Variants in PRR5L observed in about 807,000 individuals in gnomAD.
The protein encoded by PRR5L is proline rich 5 like, also known as proline-rich protein 5-like.
A neutral mutation model predicts 36.4 loss-of-function variants in PRR5L; 21 were observed. That is an observed-to-expected ratio of 0.58 (90% CI 0.41 to 0.83). PRR5L has a LOEUF of 0.83. Ranked by LOEUF, PRR5L falls within the 40% of genes least tolerant of loss-of-function variation. PRR5L has a pLI of 0.00. For synonymous variants in PRR5L, 188 were observed against 197.0 expected (o/e 0.95, Z 0.38); for missense variants, 381 against 473.3 (o/e 0.80, Z 1.81).
At position 36,421,071 on chromosome 11, in the gene PRR5L, C is replaced by T. The variant is rs115826889; in HGVS notation, c.294+1768C>T. The stretch of plus-strand genomic sequence containing the variant: ...GACTCAAAGGTCAGTCTTGGCCTCA[C>T]TCTCTTCTCTTGCTGTCTCTACTGA... On this transcript the variant is annotated intron_variant, in intron 4 of 8. Transcript: ENST00000530639. 3.3e-3 allele frequency among the ~76,000 whole-genome samples: 499 copies of T among 152,326 alleles called. 4 individuals carry two copies. Among genetic ancestry groups the T allele is most frequent in the African/African-American group, 0.012 (486 of 41,584 alleles).
chr11:36,407,269 C>G (rs867181870), intron 3 of PRR5L, among the ~76,000 whole-genome samples: 1 of 152,132 alleles, frequency 6.6e-6, no homozygotes, highest in Admixed American at 6.5e-5. Context: ...GCAGGAGGAT[C>G]GCTTGAGTCC....
chr11:36,353,438 T>A (rs568729767), intron 1 of PRR5L, among the ~76,000 whole-genome samples: 3 of 152,210 alleles, frequency 2.0e-5, no homozygotes, highest in Non-Finnish European at 2.9e-5. Context: ...GAAAAGTGAT[T>A]TGTTCATTCA....
intron 1 of PRR5L, among the ~76,000 whole-genome samples, chr11:36,334,643 C>T (rs927619193): frequency 1.3e-5 from 2 of 152,174 alleles, no homozygotes; most frequent in Non-Finnish European, 2.9e-5. Flanking sequence ...TAGGTCAGGC[C>T]TCCTTTTTGT....
At chr11:36,380,536 A>T (rs1042801795) in intron 1 of PRR5L, 2 of 152,186 alleles carry the variant, frequency 1.3e-5, no homozygotes, top group African/African-American at 4.8e-5. Flanking sequence ...GCCTTTGTAG[A>T]TTAATCCTCG....
chr11:36,328,224 T>C (rs1403778309), intron 1 of PRR5L, among the ~76,000 whole-genome samples: 2 of 152,110 alleles, frequency 1.3e-5, no homozygotes, highest in Non-Finnish European at 2.9e-5. Context: ...AAATGACTTT[T>C]AGGAAAGATA....
chr11:36,406,262 G>A (rs1208990202), intron 3 of PRR5L, among the ~76,000 whole-genome samples: 1 of 152,072 alleles, frequency 6.6e-6, no homozygotes, highest in Non-Finnish European at 1.5e-5. Context: ...TGTCTTGACT[G>A]ATTTTTCAGA....
intron 1 of PRR5L, among the ~76,000 whole-genome samples, chr11:36,347,064 G>A (rs1856874950): frequency 6.6e-6 from 1 of 152,180 alleles, no homozygotes; most frequent in South Asian, 2.1e-4. Context: ...TCTTTGAAAA[G>A]AAACTTTGAA....
At chr11:36,432,746 A>G (rs1288029375) in intron 5 of PRR5L, among the ~76,000 whole-genome samples, 3 of 152,190 alleles carry the variant, frequency 2.0e-5, no homozygotes, top group African/African-American at 7.2e-5. Context: ...CTCCAGCCTA[A>G]TGAACCGTAG....
chr11:36,322,975 A>G (rs1395632708), intron 1 of PRR5L, among the ~76,000 whole-genome samples: 1 of 152,202 alleles, frequency 6.6e-6, no homozygotes. Context: ...ACGACACCAG[A>G]AGCTAAGAGA....
intron 4 of PRR5L, among the ~76,000 whole-genome samples, chr11:36,422,496 G>A (rs1858289270): frequency 6.6e-6 from 1 of 152,162 alleles, no homozygotes; most frequent in South Asian, 2.1e-4. Context: ...GCCATGCCTA[G>A]ACATCTGCAT....
intron 2 of PRR5L, among the ~76,000 whole-genome samples, chr11:36,401,817 T>C (rs1857804467): frequency 6.6e-6 from 1 of 152,210 alleles, no homozygotes; most frequent in East Asian, 1.9e-4. Flanking sequence ...TGAGGGCCTC[T>C]GGCCTGTTAG....
At chr11:36,414,706 G>C (rs1451142431) in intron 3 of PRR5L, among the ~76,000 whole-genome samples, 11 of 147,466 alleles carry the variant, frequency 7.5e-5, no homozygotes, top group South Asian at 2.2e-4. Flanking sequence ...TGCAGAAGCT[G>C]TTTAGTTTAA....
At chr11:36,399,111 A>AT (rs1857733246) in intron 1 of PRR5L, among the ~76,000 whole-genome samples, 1 of 152,048 alleles carries the variant, frequency 6.6e-6, no homozygotes, top group African/African-American at 2.4e-5. Flanking sequence ...TCATCACCTC[A>AT]TTTTTTGGTT....
At chr11:36,330,171 G>A (rs1489580705) in intron 1 of PRR5L, among the ~76,000 whole-genome samples, 2 of 152,152 alleles carry the variant, frequency 1.3e-5, no homozygotes, top group Non-Finnish European at 2.9e-5. Flanking sequence ...GAGAGAAAAA[G>A]ATGAATGTTT....
At chr11:36,461,265 G>A (rs998515595) in intron 8 of PRR5L, among the ~76,000 whole-genome samples, 9 of 152,142 alleles carry the variant, frequency 5.9e-5, no homozygotes, top group Non-Finnish European at 1.2e-4. Context: ...TCAGTTTTGG[G>A]GGGGATTCAA....
intron 1 of PRR5L, among the ~76,000 whole-genome samples, chr11:36,303,824 C>T (rs1856402233): frequency 6.6e-6 from 1 of 152,156 alleles, no homozygotes; most frequent in Non-Finnish European, 1.5e-5. Flanking sequence ...CCCTCTAATC[C>T]TTATTGATTT....
chr11:36,363,978 G>A (rs1857120105), intron 1 of PRR5L, among the ~76,000 whole-genome samples: 1 of 152,198 alleles, frequency 6.6e-6, no homozygotes, highest in African/African-American at 2.4e-5. Flanking sequence ...TCTTGGGAGG[G>A]TATTTCACTT....
Position 36,297,972 on chromosome 11 carries a change from G to C in PRR5L, c.-126+1534G>C, listed in dbSNP as rs375840669. Among the ~76,000 whole-genome samples the C allele has an allele frequency of 1.2e-3, 176 of 152,372 alleles. 1 individual carries two copies. The highest frequency in any genetic ancestry group is 4.1e-3 in the African/African-American group (170 of 41,588). On this transcript the variant is annotated intron_variant, in intron 1 of 8. Coordinates refer to ENST00000530639, the MANE Select transcript of PRR5L (RefSeq NM_001160167.2). ...AATGCTGTGGCAAGCTGGCATTTCA[G>C]TGGCAGGTTCTGGTGGGTGTGTAAA...
intron 3 of PRR5L, among the ~76,000 whole-genome samples, chr11:36,404,612 G>T (rs1388739811): frequency 6.6e-6 from 1 of 152,070 alleles, no homozygotes; most frequent in East Asian, 1.9e-4. Context: ...TTCTGGATAT[G>T]TTAAGTGCAG....
Sources: gnomAD v4.1 joint callset for allele counts (sites outside exome capture counted in the v4.1 genomes callset) on GRCh38, gnomAD v4.1.1 for gene constraint, MANE v1.5 for transcripts, NCBI Gene and HGNC (gene_info 2026-07-23, HGNC 2026-07-21) for gene names.